NDRG1: variants seen among roughly 807,000 people sequenced by gnomAD.
The protein encoded by NDRG1 is protein NDRG1.
NDRG1 carries 32 observed loss-of-function variants against 56.9 expected under a neutral mutation model. The ratio of observed to expected loss-of-function variants is 0.56; its 90% CI spans 0.42 to 0.76. The LOEUF is 0.76. NDRG1 is among the 30% of genes least tolerant of loss of function. The probability of loss-of-function intolerance (pLI) is 0.00; values close to 1 mark genes in which losing one functional copy is unlikely to be tolerated. For synonymous variants in NDRG1, 211 were observed against 204.1 expected (o/e 1.03, Z -0.29); for missense variants, 507 against 545.7 (o/e 0.93, Z 0.71).
At chr8:133,286,007 A>G (rs114647721) in intron 1 of NDRG1, among the ~76,000 whole-genome samples, 132 of 152,284 alleles carry the variant, frequency 8.7e-4, no homozygotes, top group African/African-American at 3.0e-3. Context: ...TTCTCATTTC[A>G]CAGGAGCTTC....
chr8:133,253,505 A>G (rs3779936), intron 9 of NDRG1, among the ~76,000 whole-genome samples: 20,242 of 152,248 alleles, frequency 0.13, 1,411 homozygotes, highest in South Asian at 0.19. Context: ...TCCTATTCCT[A>G]TAGTTAACAC....
Position 133,238,157 on chromosome 8 carries a change from A to G in NDRG1, c.*721T>C, listed in dbSNP as rs912232347. ...CATGATGCCCAACGTTTGCTGAAAT[A>G]TTTTTGTCTGTAAAGCCAGGAGATT... On this transcript the variant is annotated 3_prime_UTR_variant, in exon 16 of 16. Coordinates refer to ENST00000323851, the MANE Select transcript of NDRG1 (RefSeq NM_006096.4). 4.3e-6 allele frequency: 1 copy of G among 233,000 alleles called. No individual in the cohort carries two copies. 14.4% of individuals were successfully genotyped at this position (233,000 alleles called of 1,614,324 possible).
chr8:133,290,854 G>A (rs34222865), intron 1 of NDRG1, among the ~76,000 whole-genome samples: 4,186 of 152,270 alleles, frequency 0.027, 75 homozygotes, highest in African/African-American at 0.04. Context: ...CATTCACTCA[G>A]CACACTGTTT....
At position 133,244,883 on chromosome 8, in the gene NDRG1, G is replaced by A. The variant is rs535396210; in HGVS notation, c.856-493C>T. Among the ~76,000 whole-genome samples, 15 of 152,328 alleles carry A rather than the reference G, an allele frequency of 9.8e-5. No homozygotes were observed. The South Asian group carries it at 1.0e-3, about 11-fold the overall frequency. Reference sequence around the variant, plus strand: ...CCAGTACCCTTCCTAAATGGTGGACGTTCAAAGTCCCTGTGAAATCACCGA... The same window carrying A: ...CCAGTACCCTTCCTAAATGGTGGACATTCAAAGTCCCTGTGAAATCACCGA... On this transcript the variant is annotated intron_variant, in intron 13 of 15. Coordinates refer to ENST00000323851, the MANE Select transcript of NDRG1 (RefSeq NM_006096.4).
At chr8:133,278,822 A>G (rs967343700) in intron 3 of NDRG1, among the ~76,000 whole-genome samples, 1 of 151,098 alleles carries the variant, frequency 6.6e-6, no homozygotes, top group Admixed American at 6.6e-5. Flanking sequence ...AGAGTCTGGC[A>G]CCACTTCCCC....
intron 1 of NDRG1, among the ~76,000 whole-genome samples, chr8:133,290,845 A>G (rs34157766): frequency 0.033 from 5,013 of 152,298 alleles, 128 homozygotes; most frequent in African/African-American, 0.058. Flanking sequence ...TTGGAAAAGC[A>G]TTCACTCAGC....
intron 15 of NDRG1, 88 bp downstream of exon 15, chr8:133,241,935 A>C: frequency 2.0e-6 from 3 of 1,483,732 alleles, no homozygotes; most frequent in Middle Eastern, 3.4e-4. Context: ...GGGACACAGA[A>C]TTGCTCATCC....
Position 133,238,415 on chromosome 8 carries a change from A to C in NDRG1, c.*463T>G. On this transcript the variant is annotated 3_prime_UTR_variant, in exon 16 of 16. Transcript: ENST00000323851. ...CATGTCACTATTACCCCCCTCCCCA[A>C]ATGAGAAAAGGATTTTGTTTCCGGA... 4.1e-6 allele frequency: 1 copy of C among 246,842 alleles called. No individual in the cohort carries two copies. Among genetic ancestry groups the C allele is most frequent in the East Asian group, 5.9e-5 (1 of 16,808 alleles). The allele number at this position is 246,842 out of a possible 1,614,324, so 15.3% of individuals were successfully genotyped here. A position where few individuals can be genotyped will look rare whatever the true frequency, so the allele number is the denominator to read the frequency against.
chr8:133,276,863 G>A (rs889075078), intron 3 of NDRG1, among the ~76,000 whole-genome samples: 8 of 152,344 alleles, frequency 5.3e-5, no homozygotes, highest in Non-Finnish European at 1.0e-4. Context: ...ACTGAAAGCA[G>A]GATCTCAAAG....
chr8:133,284,701 G>A, intron 1 of NDRG1: 1 of 458,172 alleles, frequency 2.2e-6, no homozygotes, highest in Non-Finnish European at 4.4e-6. Flanking sequence ...TGATCCCAAA[G>A]TCAGGCAGCC....
chr8:133,284,014 C>T (rs563266119), intron 2 of NDRG1, among the ~76,000 whole-genome samples: 3 of 152,356 alleles, frequency 2.0e-5, no homozygotes, highest in Admixed American at 1.3e-4. Context: ...CAGAGCCTCT[C>T]ACAACTTTGC....
chr8:133,293,133 C>T (rs1236942325), intron 1 of NDRG1, among the ~76,000 whole-genome samples: 3 of 152,214 alleles, frequency 2.0e-5, no homozygotes, highest in Non-Finnish European at 1.5e-5. Flanking sequence ...GGCACCTACT[C>T]ATGGCCCTCT....
intron 3 of NDRG1, among the ~76,000 whole-genome samples, chr8:133,279,531 C>T (rs924754834): frequency 6.6e-6 from 1 of 152,232 alleles, no homozygotes. Flanking sequence ...GGTGAGAACA[C>T]CTCAGCCACC....
chr8:133,284,113 C>T (rs1410878520), intron 2 of NDRG1, 136 bp downstream of exon 2: 3 of 779,988 alleles, frequency 3.8e-6, no homozygotes, highest in East Asian at 2.6e-5. Context: ...TGTTTGTATG[C>T]CGTGTGTATG....
At chr8:133,257,683 C>T (rs769157434) in intron 7 of NDRG1, among the ~76,000 whole-genome samples, 1 of 152,200 alleles carries the variant, frequency 6.6e-6, no homozygotes, top group Non-Finnish European at 1.5e-5. Flanking sequence ...GATGCAGATA[C>T]ATACAGATAT....
intron 3 of NDRG1, among the ~76,000 whole-genome samples, chr8:133,267,385 C>T (rs1409483233): frequency 2.0e-5 from 3 of 152,122 alleles, no homozygotes; most frequent in Admixed American, 1.3e-4. Flanking sequence ...TGGGAGCACC[C>T]GGGCCCGCCC....
chr8:133,257,542 A>G (rs1172393618), intron 7 of NDRG1, among the ~76,000 whole-genome samples: 1 of 152,198 alleles, frequency 6.6e-6, no homozygotes, highest in Non-Finnish European at 1.5e-5. Context: ...AGGGAATTGC[A>G]ACACAATGCT....
rs1196301103 is a variant in NDRG1, at chr8:133,237,681, C to T, written c.*1197G>A. 4 of 233,030 alleles carry T rather than the reference C, an allele frequency of 1.7e-5. No homozygotes were observed. Among genetic ancestry groups the T allele is most frequent in the Non-Finnish European group, 3.4e-5 (4 of 118,010 alleles). The allele number at this position is 233,030 out of a possible 1,614,324, so 14.4% of individuals were successfully genotyped here. A position where few individuals can be genotyped will look rare whatever the true frequency, so the allele number is the denominator to read the frequency against. On this transcript the variant is annotated 3_prime_UTR_variant, in exon 16 of 16. Transcript: ENST00000323851. ...TTACATTTTCTCAGCCACCGCTCCC[C>T]ACGTGAGTTCCCACCCCCACCCCGA...
intron 10 of NDRG1, among the ~76,000 whole-genome samples, chr8:133,249,991 C>T (rs1238166722): frequency 6.6e-6 from 1 of 152,166 alleles, no homozygotes; most frequent in Admixed American, 6.5e-5. Flanking sequence ...GTTGAGAGGG[C>T]CACGCCTTAG....
Sources: gnomAD v4.1 joint callset for allele counts (sites outside exome capture counted in the v4.1 genomes callset) on GRCh38, gnomAD v4.1.1 for gene constraint, MANE v1.5 for transcripts, NCBI Gene and HGNC (gene_info 2026-07-23, HGNC 2026-07-21) for gene names.